Variants in NOX4 observed in about 807,000 individuals in gnomAD.
NOX4 encodes the protein NADPH oxidase 4.
Under a neutral mutation model 87.6 loss-of-function variants are expected in NOX4, and 69 were observed. The ratio of observed to expected loss-of-function variants is 0.79; its 90% CI spans 0.65 to 0.96. The LOEUF (loss-of-function observed/expected upper bound fraction) is 0.96, where lower values mean the gene tolerates loss of function less well. NOX4 is among the 40% of genes least tolerant of loss of function. The probability of loss-of-function intolerance (pLI) is 0.00; values close to 1 mark genes in which losing one functional copy is unlikely to be tolerated. For synonymous variants in NOX4, 275 were observed against 238.2 expected, an observed-to-expected ratio of 1.15 and a Z score of -1.42; for missense variants, 680 against 681.5, an observed-to-expected ratio of 1.00 and a Z score of 0.02.
chr11:89,577,797 T>A, the NOX4 span: 2 of 152,148 alleles, frequency 1.3e-5, no homozygotes, highest in Admixed American at 6.5e-5. Flanking sequence ...AGAATTCATA[T>A]GTACATAAAT....
chr11:89,326,512 T>C lies in NOX4; in HGVS notation c.*244A>G, dbSNP rs2135352923. On this transcript the variant is annotated 3_prime_UTR_variant, in exon 18 of 18. Transcript: ENST00000263317. ...ACAGTGTGCATCTAACAGTTTTCTT[T>C]TAATTTGAGAACTGAAAAGTGAATC... 3.2e-6 allele frequency: 1 copy of C among 312,826 alleles called. No homozygotes were observed. Among genetic ancestry groups the C allele is most frequent in the South Asian group, 6.0e-5 (1 of 16,558 alleles). 19.4% of individuals were successfully genotyped at this position (312,826 alleles called of 1,614,324 possible).
At chr11:89,360,908 T>C (rs1045236618) in intron 12 of NOX4, among the ~76,000 whole-genome samples, 1 of 152,010 alleles carries the variant, frequency 6.6e-6, no homozygotes. Flanking sequence ...GATGCTACCT[T>C]ACTACTGCAA....
chr11:89,407,583 C>CT (rs1018880964), intron 8 of NOX4, among the ~76,000 whole-genome samples: 13 of 151,568 alleles, frequency 8.6e-5, no homozygotes, highest in African/African-American at 2.7e-4. Flanking sequence ...TTGTAGGTTT[C>CT]TTTTTTTTCC....
the NOX4 span, among the ~76,000 whole-genome samples, chr11:89,532,565 C>A: frequency 6.6e-6 from 1 of 152,090 alleles, no homozygotes; most frequent in East Asian, 1.9e-4. Flanking sequence ...GAAGGGACTT[C>A]CCTTGTCTCA....
chr11:89,541,475 C>T, the NOX4 span, among the ~76,000 whole-genome samples: 12 of 152,164 alleles, frequency 7.9e-5, no homozygotes, highest in Non-Finnish European at 1.3e-4. Flanking sequence ...AGCAGCAATA[C>T]ACTACCAGGT....
chr11:89,350,520 G>T (rs1356548493), intron 13 of NOX4, among the ~76,000 whole-genome samples: 1 of 152,102 alleles, frequency 6.6e-6, no homozygotes, highest in Non-Finnish European at 1.5e-5. Flanking sequence ...TGTTAGTGAT[G>T]TTATGATCTA....
At chr11:89,549,486 G>A in the NOX4 span, among the ~76,000 whole-genome samples, 2 of 152,004 alleles carry the variant, frequency 1.3e-5, no homozygotes, top group Non-Finnish European at 2.9e-5. Context: ...ATAACAATAA[G>A]TACATTTTAA....
the NOX4 span, among the ~76,000 whole-genome samples, chr11:89,521,754 A>G: frequency 6.6e-6 from 1 of 152,156 alleles, no homozygotes; most frequent in African/African-American, 2.4e-5. Context: ...AACCTACAGA[A>G]TGGGAGAAGA....
rs181626143 is a variant in NOX4 at position 89,335,333 on chromosome 11, T to C, written c.1616+512A>G. Among the ~76,000 whole-genome samples the C allele has an allele frequency of 9.7e-3, 1,472 of 151,876 alleles. 26 individuals are homozygous for C. The highest frequency in any genetic ancestry group is 0.032 in the African/African-American group (1,334 of 41,528). ...AAGAACAAGATTCTTTATAAAATTA[T>C]AGTTTCTAAATAATATTTTTGGAAA... On this transcript the variant is annotated intron_variant, in intron 17 of 17. Transcript: ENST00000263317.
chr11:89,380,804 C>T (rs1223207488), intron 11 of NOX4, among the ~76,000 whole-genome samples: 1 of 152,086 alleles, frequency 6.6e-6, no homozygotes, highest in Admixed American at 6.6e-5. Context: ...AAATTTTCAC[C>T]ACTTTGCTTC....
intron 11 of NOX4, among the ~76,000 whole-genome samples, chr11:89,382,177 G>A (rs547692424): frequency 8.6e-5 from 13 of 151,842 alleles, no homozygotes; most frequent in African/African-American, 2.4e-4. Flanking sequence ...CCTTCTCTCC[G>A]TGTCCCTACC....
chr11:89,464,945 T>G (rs1264908540), intron 2 of NOX4, among the ~76,000 whole-genome samples: 2 of 152,142 alleles, frequency 1.3e-5, no homozygotes, highest in Non-Finnish European at 2.9e-5. Flanking sequence ...GTAGATGAAG[T>G]CATGAGAATG....
chr11:89,333,627 AATCTT>A (rs1945570123), intron 17 of NOX4, among the ~76,000 whole-genome samples: 1 of 151,772 alleles, frequency 6.6e-6, no homozygotes. Context: ...GATATTTTAA[AATCTT>A]AACTTATATG....
chr11:89,427,832 AGG>A (rs1481575287), intron 7 of NOX4, among the ~76,000 whole-genome samples: 1 of 152,216 alleles, frequency 6.6e-6, no homozygotes, highest in Admixed American at 6.5e-5. Flanking sequence ...CAACCTAGTA[AGG>A]CAGGCCAATA....
intron 12 of NOX4, among the ~76,000 whole-genome samples, chr11:89,358,243 G>A (rs1280902542): frequency 5.3e-5 from 8 of 151,498 alleles, no homozygotes; most frequent in Admixed American, 1.3e-4. Context: ...AAAATTAGTC[G>A]GGCATAGTGG....
chr11:89,337,428 G>C lies in NOX4; in HGVS notation c.1515+19C>G. On this transcript the variant is annotated intron_variant, in intron 16 of 17. Transcript: ENST00000263317. Reference sequence around the variant, plus strand: ...TTATCAAGAGGCTTGTTTAATTTACGATAACATCAACCACATACCTGTATC... The same window carrying C: ...TTATCAAGAGGCTTGTTTAATTTACCATAACATCAACCACATACCTGTATC... The C allele has an allele frequency of 6.2e-7, 1 of 1,610,760 alleles. No individual in the cohort carries two copies. Among genetic ancestry groups the C allele is most frequent in the Non-Finnish European group, 8.5e-7 (1 of 1,177,836 alleles).
the NOX4 span, among the ~76,000 whole-genome samples, chr11:89,523,135 T>C: frequency 2.6e-5 from 4 of 152,162 alleles, no homozygotes; most frequent in Admixed American, 6.5e-5. Flanking sequence ...GTGATTCTCC[T>C]GCCTCAGCCT....
chr11:89,516,743 T>C, the NOX4 span, among the ~76,000 whole-genome samples: 1 of 152,080 alleles, frequency 6.6e-6, no homozygotes, highest in East Asian at 1.9e-4. Context: ...ATTCTTTCAA[T>C]GCCGGATTTT....
At chr11:89,356,341 C>A in intron 12 of NOX4, among the ~76,000 whole-genome samples, 1 of 145,402 alleles carries the variant, frequency 6.9e-6, no homozygotes, top group East Asian at 2.0e-4. Flanking sequence ...ATATCATGAG[C>A]TAAGAATTGA....
Sources: allele counts gnomAD v4.1 joint callset (sites outside exome capture counted in the v4.1 genomes callset), GRCh38; gene constraint gnomAD v4.1.1; transcripts MANE v1.5; gene names NCBI Gene and HGNC (gene_info 2026-07-23, HGNC 2026-07-21).